Variants in ANGEL2 observed in about 807,000 individuals in gnomAD.
The protein encoded by ANGEL2 is RNA 2',3'-cyclic phosphatase ANGEL2.
A neutral mutation model predicts 66.0 loss-of-function variants in ANGEL2; 41 were observed. The ratio of observed to expected loss-of-function variants is 0.62; its 90% CI spans 0.48 to 0.81. The LOEUF is 0.81. Among genes scored for constraint, ANGEL2 ranks in the 30% least tolerant of loss-of-function variants. The probability of loss-of-function intolerance (pLI) is 0.00; values close to 1 mark genes in which losing one functional copy is unlikely to be tolerated. For missense variants in ANGEL2, 561 were observed against 641.6 expected (o/e 0.87, Z 1.36); for synonymous variants, 208 against 226.5 (o/e 0.92, Z 0.73).
At position 213,013,365 on chromosome 1, in the gene ANGEL2, G is replaced by C. The variant is rs1323709120; in HGVS notation, c.113C>G (p.Pro38Arg). ...GCAACACCTTTGCAGATTCTCCCAC[G>C]GTGTAGTCCAGTCTCTGCCCAGACT... ...SRSLGRDWTT[P>R]WENLQRCCWN... The change falls in exon 2 of 9, where the codon CCG becomes CGG. Residue 38 changes from proline to arginine, a missense_variant. Transcript: ENST00000366962. The C allele has an allele frequency of 6.2e-7, 1 of 1,614,076 alleles. No homozygotes were observed. Among genetic ancestry groups the C allele is most frequent in the Admixed American group, 1.7e-5 (1 of 60,010 alleles).
chr1:213,011,830 T>C (rs1033050194), intron 2 of ANGEL2, among the ~76,000 whole-genome samples: 7 of 152,208 alleles, frequency 4.6e-5, no homozygotes, highest in Non-Finnish European at 7.3e-5. Flanking sequence ...TGTGCTGACC[T>C]GATGGACAAA....
intron 5 of ANGEL2, among the ~76,000 whole-genome samples, chr1:213,002,917 C>CAAA (rs3056224): frequency 3.6e-5 from 4 of 110,430 alleles, no homozygotes; most frequent in African/African-American, 1.1e-4. Flanking sequence ...GATCCTGTCT[C>CAAA]AAAAAAAAAA....
chr1:213,004,200 C>CAA (rs934613897), intron 5 of ANGEL2, among the ~76,000 whole-genome samples: 1 of 142,868 alleles, frequency 7.0e-6, no homozygotes, highest in African/African-American at 2.6e-5. Context: ...GACTCCATCT[C>CAA]AAAAAAAAAA....
intron 1 of ANGEL2, chr1:213,015,353 C>T (rs551630078): frequency 2.0e-5 from 28 of 1,397,372 alleles, no homozygotes; most frequent in South Asian, 1.4e-4. Context: ...GCCACTGGCA[C>T]AAGCCTGGCC....
chr1:213,007,265 T>A lies in ANGEL2; in HGVS notation c.643-67A>T, dbSNP rs2076360647. On this transcript the variant is annotated intron_variant, in intron 3 of 8. Transcript: ENST00000366962. The stretch of plus-strand genomic sequence containing the variant: ...AATCATGAATTTCCTGGTGCTTTTA[T>A]CTTAAAATATCTAAAAGCAGGCTTC... 10 of 1,188,964 alleles carry A rather than the reference T, an allele frequency of 8.4e-6. No homozygotes were observed. In the Admixed American group the frequency reaches 2.6e-4, roughly 31 times the overall value. The allele number at this position is 1,188,964 out of a possible 1,614,324, so 73.7% of individuals were successfully genotyped here. A position where few individuals can be genotyped will look rare whatever the true frequency, so the allele number is the denominator to read the frequency against.
chr1:213,004,001 A>G (rs1433590789), intron 5 of ANGEL2, among the ~76,000 whole-genome samples: 1 of 151,930 alleles, frequency 6.6e-6, no homozygotes, highest in Non-Finnish European at 1.5e-5. Context: ...GTTGGGAGTT[A>G]GAGACCATCC....
chr1:213,003,543 G>C (rs566342690), intron 5 of ANGEL2, among the ~76,000 whole-genome samples: 15 of 152,296 alleles, frequency 9.8e-5, no homozygotes, highest in African/African-American at 3.6e-4. Context: ...GCCCAAGTAG[G>C]GGGAGAGAGA....
chr1:213,013,442 T>C, intron 1 of ANGEL2, 24 bp from the exon 2 acceptor site: 1 of 1,572,384 alleles, frequency 6.4e-7, no homozygotes, highest in Non-Finnish European at 8.7e-7. Context: ...ATACACTCCT[T>C]GAGGCACCAC....
At chr1:213,011,086 C>A (rs2076496041) in intron 2 of ANGEL2, 1 of 1,040,828 alleles carries the variant, frequency 9.6e-7, no homozygotes, top group Non-Finnish European at 1.3e-6. Context: ...AATAAACTTA[C>A]AGAAATGTGT....
intron 2 of ANGEL2, chr1:213,011,167 A>G: frequency 7.8e-7 from 1 of 1,286,270 alleles, no homozygotes. Flanking sequence ...TGGCCTTCAT[A>G]TGCTTCACAA....
intron 8 of ANGEL2, among the ~76,000 whole-genome samples, chr1:212,996,923 T>C (rs1478735334): frequency 6.6e-6 from 1 of 152,092 alleles, no homozygotes; most frequent in Non-Finnish European, 1.5e-5. Context: ...AGGGTAGGAC[T>C]GCTAATGTAA....
At chr1:213,011,274 T>C (rs997063569) in intron 2 of ANGEL2, 15 of 1,287,618 alleles carry the variant, frequency 1.2e-5, no homozygotes, top group African/African-American at 4.6e-5. Flanking sequence ...AAGTAAGCAA[T>C]AGGCCTGATC....
In ANGEL2 at chr1:213,013,108, G is replaced by A. The variant is rs746526301; in HGVS notation, c.370C>T (p.Arg124Ter). ...TCACCTTTACCTTGGTGTTTTCTTC[G>A]TTTTGATGAAGGCTCATCTCCCTCA... ...NAEGDEPSSK[R>*]RKHQGVIKRN... Residue 124 changes from arginine (R) to a stop codon, truncating the protein, a stop_gained, in exon 2 of 9, where the codon CGA (arginine) becomes TGA (stop). Transcript: ENST00000366962. LOFTEE classifies it high-confidence loss of function. The A allele has an allele frequency of 6.2e-7, 1 of 1,612,810 alleles. No homozygotes were observed. The highest frequency in any genetic ancestry group is 1.7e-5 in the Admixed American group (1 of 59,798).
At chr1:213,014,583 T>C (rs570129589) in intron 1 of ANGEL2, among the ~76,000 whole-genome samples, 1 of 152,368 alleles carries the variant, frequency 6.6e-6, no homozygotes, top group African/African-American at 2.4e-5. Flanking sequence ...TATTGAAATA[T>C]AATACTTGTA....
At chr1:212,996,651 A>ATATATG (rs2076030323) in intron 8 of ANGEL2, among the ~76,000 whole-genome samples, 1 of 58,554 alleles carries the variant, frequency 1.7e-5, no homozygotes, top group African/African-American at 3.4e-5. Flanking sequence ...ATATATATAT[A>ATATATG]TATATATATA....
At chr1:213,014,033 G>A (rs2076575432) in intron 1 of ANGEL2, among the ~76,000 whole-genome samples, 1 of 152,032 alleles carries the variant, frequency 6.6e-6, no homozygotes, top group African/African-American at 2.4e-5. Context: ...ATTCTCGTTG[G>A]GGGAAATGAA....
chr1:213,011,577 G>A (rs1477781109), intron 2 of ANGEL2: 6 of 583,454 alleles, frequency 1.0e-5, no homozygotes, highest in Admixed American at 1.2e-4. Context: ...CTACTATGAA[G>A]CCAACAGTGT....
Position 213,005,249 on chromosome 1 carries a change from T to C in ANGEL2, c.918A>G (p.Val306=), listed in dbSNP as rs749880684. ...GATTATACAACAGATGCGTATTTGC[T>C]ACGCAGATTGCAGGGCAGGCAGCAT... is the stretch of plus-strand genomic sequence containing the variant. The part of the protein sequence containing the change: ...IPYAACPAIC[V]ANTHLLYNPR... The change falls in exon 5 of 9, where the codon GTA becomes GTG. Residue 306 remains valine (V), a synonymous_variant. Transcript: ENST00000366962. 27 of 1,614,142 alleles carry C rather than the reference T, an allele frequency of 1.7e-5. No individual in the cohort carries two copies. In the South Asian group the frequency reaches 2.6e-4, roughly 16 times the overall value.
intron 4 of ANGEL2, 44 bp from the exon 5 acceptor site, chr1:213,005,498 T>C (rs746299495): frequency 6.6e-7 from 1 of 1,509,360 alleles, no homozygotes; most frequent in Non-Finnish European, 8.9e-7. Flanking sequence ...TGCTTTTATA[T>C]ATTTATCAAA....
Sources: gnomAD v4.1 joint callset for allele counts (sites outside exome capture counted in the v4.1 genomes callset) on GRCh38, gnomAD v4.1.1 for gene constraint, MANE v1.5 for transcripts, NCBI Gene and HGNC (gene_info 2026-07-23, HGNC 2026-07-21) for gene names.